Variants in GSTCD observed in about 807,000 individuals in gnomAD.
GSTCD encodes glutathione S-transferase C-terminal domain containing.
GSTCD carries 44 observed loss-of-function variants against 68.3 expected under a neutral mutation model. The observed-to-expected ratio is 0.64, with a 90% CI of 0.51 to 0.83. The LOEUF (loss-of-function observed/expected upper bound fraction) is 0.83, where lower values mean the gene tolerates loss of function less well. GSTCD is among the 40% of genes least tolerant of loss of function. The probability of loss-of-function intolerance (pLI) is 0.00; values close to 1 mark genes in which losing one functional copy is unlikely to be tolerated. For missense variants in GSTCD, 739 were observed against 735.9 expected, an observed-to-expected ratio of 1.00 and a Z score of -0.05; for synonymous variants, 273 against 255.2, an observed-to-expected ratio of 1.07 and a Z score of -0.67.
At chr4:105,760,325 A>C (rs1734358027) in intron 5 of GSTCD, among the ~76,000 whole-genome samples, 1 of 152,140 alleles carries the variant, frequency 6.6e-6, no homozygotes, top group African/African-American at 2.4e-5. Context: ...AGCCTGTGGG[A>C]GCAGGTAACT....
chr4:105,729,791 C>T (rs900058596), intron 5 of GSTCD, among the ~76,000 whole-genome samples: 8 of 152,080 alleles, frequency 5.3e-5, no homozygotes, highest in Non-Finnish European at 8.8e-5. Flanking sequence ...ATGAGCACAA[C>T]GTGCAGGTTT....
chr4:105,717,976 C>G lies in GSTCD; in HGVS notation c.363C>G (p.Pro121=). Reference sequence around the variant, plus strand: ...TCCAGAAATCCTATGAAGCAGACCCCTTAAAGAAGGAACTTTTGGAACTTC... The same window carrying G: ...TCCAGAAATCCTATGAAGCAGACCCGTTAAAGAAGGAACTTTTGGAACTTC... ...HIIQKSYEAD[P]LKKELLELLG... is the part of the protein sequence containing the mutation. The change falls in exon 2 of 12, where the codon CCC becomes CCG. Residue 121 remains proline, a synonymous_variant. Transcript: ENST00000515279. The G allele has an allele frequency of 6.2e-7, 1 of 1,613,222 alleles. No homozygotes were observed. Among genetic ancestry groups the G allele is most frequent in the Non-Finnish European group, 8.5e-7 (1 of 1,179,738 alleles).
chr4:105,845,205 G>A (rs978405079), intron 11 of GSTCD, among the ~76,000 whole-genome samples: 1 of 152,138 alleles, frequency 6.6e-6, no homozygotes, highest in Non-Finnish European at 1.5e-5. Context: ...CATCTGAAAA[G>A]GTTAACATTC....
At position 105,825,746 on chromosome 4, in the gene GSTCD, C is replaced by G. The variant is rs1236250265; in HGVS notation, c.1476C>G (p.Asn492Lys). Residue 492 changes from asparagine (N) to lysine (K), a missense_variant, in exon 8 of 12, where the codon AAC becomes AAG. Transcript: ENST00000515279. ...KKRSDELGLS[N>K]IWFIQANMEY... ...GAAGTGATGAACTGGGTTTAAGCAACATTTGGTTCATTCAAGCAAATATGG... is the reference window on the plus strand; with the variant it reads ...GAAGTGATGAACTGGGTTTAAGCAAGATTTGGTTCATTCAAGCAAATATGG... 6.5e-7 allele frequency: 1 copy of G among 1,546,646 alleles called. No individual in the cohort carries two copies. Among genetic ancestry groups the G allele is most frequent in the African/African-American group, 1.4e-5 (1 of 73,434 alleles).
intron 5 of GSTCD, among the ~76,000 whole-genome samples, chr4:105,800,130 A>G (rs1736051356): frequency 6.6e-6 from 1 of 152,202 alleles, no homozygotes; most frequent in Non-Finnish European, 1.5e-5. Flanking sequence ...GGCAATTTAC[A>G]AAGGAAAGAG....
At chr4:105,817,648 A>T (rs2553457) in intron 5 of GSTCD, among the ~76,000 whole-genome samples, 2 of 151,658 alleles carry the variant, frequency 1.3e-5, no homozygotes, top group African/African-American at 4.8e-5. Flanking sequence ...ACAAGGTATC[A>T]CCAAAATTTA....
intron 5 of GSTCD, among the ~76,000 whole-genome samples, chr4:105,813,660 G>C (rs561088808): frequency 6.2e-4 from 95 of 152,228 alleles, no homozygotes; most frequent in African/African-American, 2.2e-3. Flanking sequence ...ATGCACAATT[G>C]TAATGATCTC....
At chr4:105,742,077 C>T (rs17036156) in intron 5 of GSTCD, among the ~76,000 whole-genome samples, 8,156 of 152,194 alleles carry the variant, frequency 0.054, 253 homozygotes, top group Middle Eastern at 0.14. Context: ...GATGTCTCAA[C>T]GACTGACTCT....
intron 1 of GSTCD, among the ~76,000 whole-genome samples, chr4:105,717,147 G>C (rs1422972914): frequency 6.6e-6 from 1 of 152,130 alleles, no homozygotes; most frequent in Admixed American, 6.6e-5. Context: ...CTGAAAGAAC[G>C]AATATCCCCT....
intron 5 of GSTCD, among the ~76,000 whole-genome samples, chr4:105,805,266 CTG>C (rs1347060711): frequency 2.0e-4 from 31 of 152,112 alleles, no homozygotes; most frequent in South Asian, 6.2e-4. Flanking sequence ...TATTTCTCCA[CTG>C]TGTTTTTATT....
rs3055931 is a variant in GSTCD, at chr4:105,756,495, T to TACACACACACACACAC, written c.1240+27013_1240+27028dup. Among the ~76,000 whole-genome samples the TACACACACACACACAC allele has an allele frequency of 2.8e-3, 397 of 139,482 alleles. 1 individual carries two copies. Among genetic ancestry groups the TACACACACACACACAC allele is most frequent in the African/African-American group, 7.2e-3 (268 of 37,200 alleles). 91.5% of individuals were successfully genotyped at this position (139,482 alleles called of 152,430 possible). ...CACTGGTAGCAGAGACCTATGCACA[T>TACACACACACACACAC]ACACACACACACACACACACACACA... On this transcript the variant is annotated intron_variant, in intron 5 of 11. Coordinates refer to ENST00000515279, the MANE Select transcript of GSTCD (RefSeq NM_001370181.1).
At chr4:105,741,797 A>G (rs915524462) in intron 5 of GSTCD, among the ~76,000 whole-genome samples, 1 of 152,220 alleles carries the variant, frequency 6.6e-6, no homozygotes, top group African/African-American at 2.4e-5. Flanking sequence ...CTCTAACAGC[A>G]GGGCTACAGG....
intron 5 of GSTCD, among the ~76,000 whole-genome samples, chr4:105,805,874 C>A (rs2149264171): frequency 6.6e-6 from 1 of 152,104 alleles, no homozygotes; most frequent in Non-Finnish European, 1.5e-5. Context: ...GTATGAAACA[C>A]TGTTTTTTTA....
chr4:105,734,412 C>T (rs1475192061), intron 5 of GSTCD, among the ~76,000 whole-genome samples: 2 of 152,122 alleles, frequency 1.3e-5, no homozygotes, highest in Non-Finnish European at 2.9e-5. Context: ...CTCTAAACTT[C>T]TCTTCTTGCT....
At position 105,825,777 on chromosome 4, in the gene GSTCD, T is replaced by C; in HGVS notation, c.1507T>C (p.Phe503Leu). ...IWFIQANMEY[F>L]TGMFNIGVAL... Reference sequence around the variant, plus strand: ...GTTCATTCAAGCAAATATGGAATATTTTACTGGGATGTTTAATATTGGAGT... The same window carrying C: ...GTTCATTCAAGCAAATATGGAATATCTTACTGGGATGTTTAATATTGGAGT... The change falls in exon 8 of 12, where the codon TTT becomes CTT. Residue 503 changes from phenylalanine (F) to leucine (L), a missense_variant. Transcript: ENST00000515279. 6.5e-7 allele frequency: 1 copy of C among 1,545,560 alleles called. No homozygotes were observed. Among genetic ancestry groups the C allele is most frequent in the Non-Finnish European group, 8.9e-7 (1 of 1,120,216 alleles).
At chr4:105,774,465 G>T (rs535561815) in intron 5 of GSTCD, among the ~76,000 whole-genome samples, 2 of 152,240 alleles carry the variant, frequency 1.3e-5, no homozygotes, top group African/African-American at 4.8e-5. Flanking sequence ...TCACAATTTC[G>T]TATGTTTTTG....
At chr4:105,803,660 A>G (rs1361106503) in intron 5 of GSTCD, among the ~76,000 whole-genome samples, 3 of 152,018 alleles carry the variant, frequency 2.0e-5, no homozygotes, top group Non-Finnish European at 4.4e-5. Context: ...AGAATGGACA[A>G]ATTATATCAT....
intron 5 of GSTCD, chr4:105,820,975 C>G (rs1259709027): frequency 6.6e-6 from 1 of 151,708 alleles, no homozygotes; most frequent in Non-Finnish European, 1.5e-5. Flanking sequence ...TTTTAACTTT[C>G]TTTTATGAAA....
At chr4:105,793,006 A>G (rs991648891) in intron 5 of GSTCD, among the ~76,000 whole-genome samples, 2 of 152,056 alleles carry the variant, frequency 1.3e-5, no homozygotes, top group Admixed American at 1.3e-4. Flanking sequence ...GTGTAATAAA[A>G]TCTGTAATCT....
Sources: gnomAD v4.1 joint callset for allele counts (sites outside exome capture counted in the v4.1 genomes callset) on GRCh38, gnomAD v4.1.1 for gene constraint, MANE v1.5 for transcripts, NCBI Gene and HGNC (gene_info 2026-07-23, HGNC 2026-07-21) for gene names.